The following PRKG1 variants were observed in gnomAD, a reference collection of about 807,000 sequenced individuals.
PRKG1 encodes the protein cGMP-dependent protein kinase 1.
PRKG1 carries 35 observed loss-of-function variants against 88.1 expected under a neutral mutation model. The ratio of observed to expected loss-of-function variants is 0.40; its 90% CI spans 0.30 to 0.53. PRKG1 has a LOEUF of 0.53. PRKG1 is among the 20% of genes least tolerant of loss of function. The pLI is 0.59. For missense variants in PRKG1, 540 were observed against 839.8 expected (o/e 0.64, Z 4.41); for synonymous variants, 303 against 292.5 (o/e 1.04, Z -0.37).
At chr10:52,143,147 A>G (rs1837630509) in intron 8 of PRKG1, among the ~76,000 whole-genome samples, 1 of 152,188 alleles carries the variant, frequency 6.6e-6, no homozygotes, top group Non-Finnish European at 1.5e-5. Flanking sequence ...AGCAGCTATA[A>G]GGAGTATTCA....
At chr10:51,538,564 G>A (rs948156209) in intron 3 of PRKG1, among the ~76,000 whole-genome samples, 5 of 150,246 alleles carry the variant, frequency 3.3e-5, no homozygotes, top group African/African-American at 1.2e-4. Context: ...TTAACGGGCT[G>A]TTATAGAGGA....
intron 3 of PRKG1, among the ~76,000 whole-genome samples, chr10:51,738,594 G>T (rs1220942809): frequency 2.6e-5 from 4 of 152,162 alleles, no homozygotes; most frequent in Non-Finnish European, 4.4e-5. Flanking sequence ...GAGGTAGATA[G>T]GTTATGAGAG....
chr10:51,351,439 G>T (rs1057309476), intron 2 of PRKG1, among the ~76,000 whole-genome samples: 1 of 151,920 alleles, frequency 6.6e-6, no homozygotes, highest in African/African-American at 2.4e-5. Flanking sequence ...TGACTTTAAT[G>T]ATCGCCATTC....
intron 9 of PRKG1, among the ~76,000 whole-genome samples, chr10:52,202,732 G>A (rs540669706): frequency 6.6e-5 from 10 of 151,724 alleles, no homozygotes; most frequent in South Asian, 6.3e-4. Context: ...TTAGGGTTTC[G>A]GTATCTTCCT....
intron 4 of PRKG1, among the ~76,000 whole-genome samples, chr10:51,905,444 T>C (rs1842065896): frequency 6.6e-6 from 1 of 152,130 alleles, no homozygotes; most frequent in South Asian, 2.1e-4. Context: ...AAGCCAAAAT[T>C]ATGCTGTAAG....
At chr10:51,603,953 C>A (rs1922139) in intron 3 of PRKG1, among the ~76,000 whole-genome samples, 98,199 of 152,002 alleles carry the variant, frequency 0.65, 32,369 homozygotes, top group Middle Eastern at 0.73. Flanking sequence ...AAAGAACACT[C>A]CATCCGGAAT....
At chr10:51,760,090 G>A (rs1420760173) in intron 3 of PRKG1, among the ~76,000 whole-genome samples, 1 of 152,146 alleles carries the variant, frequency 6.6e-6, no homozygotes, top group Non-Finnish European at 1.5e-5. Flanking sequence ...GCAGAGCACA[G>A]TCTAAAAATG....
chr10:51,665,056 G>A (rs1296812268), intron 3 of PRKG1, among the ~76,000 whole-genome samples: 1 of 152,038 alleles, frequency 6.6e-6, no homozygotes, highest in Non-Finnish European at 1.5e-5. Context: ...CAAGTCTGTT[G>A]TCACTTCTGA....
At chr10:51,155,897 G>A (rs898682782) in intron 2 of PRKG1, among the ~76,000 whole-genome samples, 1 of 151,880 alleles carries the variant, frequency 6.6e-6, no homozygotes, top group African/African-American at 2.4e-5. Flanking sequence ...TCACCAAAAC[G>A]TCTACAGTAG....
intron 3 of PRKG1, among the ~76,000 whole-genome samples, chr10:51,546,284 ATTTT>A (rs1276753746): frequency 6.6e-6 from 1 of 151,732 alleles, no homozygotes; most frequent in African/African-American, 2.4e-5. Context: ...TACTTCTTTA[ATTTT>A]TTTTCTGAGT....
At chr10:51,218,854 G>A (rs1838448262) in intron 2 of PRKG1, among the ~76,000 whole-genome samples, 1 of 151,814 alleles carries the variant, frequency 6.6e-6, no homozygotes, top group African/African-American at 2.4e-5. Flanking sequence ...GAGGGAGGGA[G>A]TGGAAGAAGG....
Position 51,702,356 on chromosome 10 carries a change from T to C in PRKG1, c.593-102229T>C, listed in dbSNP as rs117117316. 1.1e-3 allele frequency among the ~76,000 whole-genome samples: 163 copies of C among 152,312 alleles called. 2 individuals are homozygous for C. The East Asian group carries it at 0.028, about 26-fold the overall frequency. On this transcript the variant is annotated intron_variant, in intron 3 of 17. Transcript: ENST00000373980. The stretch of plus-strand genomic sequence containing the variant: ...TCCATGCCCAGAACACATGAACTAA[T>C]ACTTATTGTTAACTCAATGTCCCCA...
chr10:51,593,244 T>C (rs1476328530), intron 3 of PRKG1, among the ~76,000 whole-genome samples: 1 of 152,212 alleles, frequency 6.6e-6, no homozygotes, highest in East Asian at 1.9e-4. Flanking sequence ...ATTTCTCATA[T>C]ACAAATTATA....
intron 3 of PRKG1, among the ~76,000 whole-genome samples, chr10:51,694,552 G>C (rs1017816551): frequency 7.2e-5 from 11 of 152,118 alleles, no homozygotes; most frequent in African/African-American, 2.7e-4. Flanking sequence ...AGTAATATTA[G>C]GGCAAGGACT....
chr10:52,034,163 A>G (rs1233861254), intron 5 of PRKG1, among the ~76,000 whole-genome samples: 13 of 152,200 alleles, frequency 8.5e-5, no homozygotes, highest in Non-Finnish European at 1.8e-4. Flanking sequence ...ACATGTGCAA[A>G]TCACAGGGGA....
chr10:51,499,553 C>T (rs887520039), intron 3 of PRKG1, among the ~76,000 whole-genome samples: 14 of 152,058 alleles, frequency 9.2e-5, no homozygotes, highest in Admixed American at 3.3e-4. Context: ...TTATCCACAG[C>T]CTCTAATGTT....
intron 3 of PRKG1, among the ~76,000 whole-genome samples, chr10:51,726,456 A>G (rs1380565058): frequency 6.6e-6 from 1 of 152,240 alleles, no homozygotes; most frequent in Non-Finnish European, 1.5e-5. Context: ...TGTGAAAGAT[A>G]AAATTTCTTA....
At chr10:51,222,052 T>C (rs1345768976) in intron 2 of PRKG1, among the ~76,000 whole-genome samples, 1 of 151,932 alleles carries the variant, frequency 6.6e-6, no homozygotes, top group Non-Finnish European at 1.5e-5. Context: ...TTTTTTTGTA[T>C]TTGTATTAGA....
chr10:51,816,976 A>C (rs1427696530), intron 4 of PRKG1, among the ~76,000 whole-genome samples: 2 of 152,184 alleles, frequency 1.3e-5, no homozygotes, highest in Admixed American at 6.5e-5. Flanking sequence ...AAAGAAATTA[A>C]ATACATTAGT....
Sources: allele counts gnomAD v4.1 joint callset (sites outside exome capture counted in the v4.1 genomes callset), GRCh38; gene constraint gnomAD v4.1.1; transcripts MANE v1.5; gene names NCBI Gene and HGNC (gene_info 2026-07-23, HGNC 2026-07-21).